Variants in MACROD2 observed in about 807,000 individuals in gnomAD.
MACROD2 encodes mono-ADP ribosylhydrolase 2.
In MACROD2, 36 loss-of-function variants were observed where a neutral mutation model predicts 70.4. The observed-to-expected ratio is 0.51, with a 90% confidence interval of 0.39 to 0.68. MACROD2 has a LOEUF of 0.68. Among genes scored for constraint, MACROD2 ranks in the 30% least tolerant of loss-of-function variants. The pLI is 0.00. For missense variants in MACROD2, 496 were observed against 538.4 expected, an observed-to-expected ratio of 0.92 and a Z score of 0.78; for synonymous variants, 172 against 178.8, an observed-to-expected ratio of 0.96 and a Z score of 0.30.
intron 6 of MACROD2, among the ~76,000 whole-genome samples, chr20:15,292,149 T>C (rs1189031500): frequency 6.6e-6 from 1 of 152,314 alleles, no homozygotes; most frequent in East Asian, 1.9e-4. Context: ...TAGCTGGGAC[T>C]ACAGGTGTGA....
intron 5 of MACROD2, among the ~76,000 whole-genome samples, chr20:15,223,051 G>C (rs1025197031): frequency 3.9e-5 from 6 of 152,122 alleles, no homozygotes; most frequent in Admixed American, 3.9e-4. Flanking sequence ...AAATAGGAGT[G>C]GGGGAGTGCA....
chr20:15,154,818 ACATT>A (rs1337256094), intron 5 of MACROD2, among the ~76,000 whole-genome samples: 1 of 152,184 alleles, frequency 6.6e-6, no homozygotes, highest in East Asian at 1.9e-4. Context: ...GGGAACACAA[ACATT>A]CAGTCCATTG....
chr20:14,500,879 T>C (rs1306749080), intron 4 of MACROD2, among the ~76,000 whole-genome samples: 1 of 152,204 alleles, frequency 6.6e-6, no homozygotes, highest in Non-Finnish European at 1.5e-5. Context: ...AGTAATTTCA[T>C]ATTCATCTTT....
intron 5 of MACROD2, among the ~76,000 whole-genome samples, chr20:15,209,801 A>C (rs553439162): frequency 6.6e-6 from 1 of 152,340 alleles, no homozygotes; most frequent in African/African-American, 2.4e-5. Flanking sequence ...AGGCCAAGAC[A>C]TACAGACTCT....
chr20:15,198,490 A>AT (rs997669363), intron 5 of MACROD2, among the ~76,000 whole-genome samples: 2 of 152,254 alleles, frequency 1.3e-5, no homozygotes, highest in African/African-American at 4.8e-5. Flanking sequence ...CATTTTTATT[A>AT]TTTTTTATAC....
At chr20:15,846,684 A>G (rs905453595) in intron 8 of MACROD2, among the ~76,000 whole-genome samples, 19 of 152,088 alleles carry the variant, frequency 1.2e-4, no homozygotes, top group African/African-American at 4.6e-4. Flanking sequence ...CATGCAGTCT[A>G]GAGCCGTCCT....
At chr20:14,480,598 G>A (rs1052400516) in intron 3 of MACROD2, among the ~76,000 whole-genome samples, 1 of 152,090 alleles carries the variant, frequency 6.6e-6, no homozygotes, top group African/African-American at 2.4e-5. Flanking sequence ...TCTCACCAAT[G>A]ATAATACTTC....
chr20:15,547,499 T>C (rs539035794), intron 8 of MACROD2, among the ~76,000 whole-genome samples: 15 of 152,232 alleles, frequency 9.9e-5, no homozygotes, highest in Middle Eastern at 3.2e-3. Context: ...ACTGGAAGAC[T>C]AGCCCAGTTG....
intron 6 of MACROD2, among the ~76,000 whole-genome samples, chr20:15,396,450 A>T (rs2045861132): frequency 6.6e-6 from 1 of 152,202 alleles, no homozygotes; most frequent in African/African-American, 2.4e-5. Context: ...TTAATACTGT[A>T]ATTATGAAGA....
At chr20:14,793,385 A>AT (rs1025371062) in intron 5 of MACROD2, among the ~76,000 whole-genome samples, 1 of 152,054 alleles carries the variant, frequency 6.6e-6, no homozygotes, top group African/African-American at 2.4e-5. Context: ...GATGCCTAAC[A>AT]TAAAAACTCT....
At chr20:15,539,959 G>C (rs960887218) in intron 8 of MACROD2, among the ~76,000 whole-genome samples, 10 of 152,230 alleles carry the variant, frequency 6.6e-5, no homozygotes, top group Non-Finnish European at 1.2e-4. Flanking sequence ...CTGCACTCCA[G>C]CCTGGGCGAC....
chr20:14,571,241 A>G (rs1980171264), intron 4 of MACROD2, among the ~76,000 whole-genome samples: 2 of 152,052 alleles, frequency 1.3e-5, no homozygotes, highest in Admixed American at 6.6e-5. Flanking sequence ...CTGGTTATCT[A>G]GCACTGGTTA....
intron 5 of MACROD2, among the ~76,000 whole-genome samples, chr20:14,694,750 A>G (rs1250270718): frequency 6.6e-6 from 1 of 152,178 alleles, no homozygotes; most frequent in African/African-American, 2.4e-5. Flanking sequence ...GGATTAATAA[A>G]TATTCAATAC....
At chr20:15,537,870 A>G (rs534005482) in intron 8 of MACROD2, among the ~76,000 whole-genome samples, 21 of 152,292 alleles carry the variant, frequency 1.4e-4, no homozygotes, top group Middle Eastern at 3.4e-3. Context: ...TATGCTTTCA[A>G]GGCATCTTAG....
chr20:14,652,450 T>C (rs1985726569), intron 4 of MACROD2, among the ~76,000 whole-genome samples: 1 of 152,206 alleles, frequency 6.6e-6, no homozygotes, highest in South Asian at 2.1e-4. Context: ...TTACCTAATT[T>C]ATTTCCCTTT....
At chr20:15,836,224 T>C (rs936164149) in intron 8 of MACROD2, among the ~76,000 whole-genome samples, 3 of 152,246 alleles carry the variant, frequency 2.0e-5, no homozygotes, top group African/African-American at 7.2e-5. Flanking sequence ...GTTTCCATTT[T>C]CTACTTAGGA....
chr20:14,420,312 A>C (rs1340799408), intron 3 of MACROD2, among the ~76,000 whole-genome samples: 1 of 152,116 alleles, frequency 6.6e-6, no homozygotes, highest in Non-Finnish European at 1.5e-5. Flanking sequence ...TAGCACCTGT[A>C]CCATTTTACA....
intron 8 of MACROD2, among the ~76,000 whole-genome samples, chr20:15,595,411 C>T (rs1248652040): frequency 2.0e-5 from 3 of 152,112 alleles, no homozygotes; most frequent in African/African-American, 7.2e-5. Flanking sequence ...TTAAGAATGT[C>T]CATTCCCTCT....
At chr20:15,805,532 A>G (rs2063761435) in intron 8 of MACROD2, among the ~76,000 whole-genome samples, 2 of 151,178 alleles carry the variant, frequency 1.3e-5, no homozygotes, top group Non-Finnish European at 2.9e-5. Context: ...GCTGGAGTGC[A>G]ATGGCACGAT....
Sources: allele counts gnomAD v4.1 joint callset (sites outside exome capture counted in the v4.1 genomes callset), GRCh38; gene constraint gnomAD v4.1.1; transcripts MANE v1.5; gene names NCBI Gene and HGNC (gene_info 2026-07-23, HGNC 2026-07-21).